The following AK5 variants were observed in gnomAD, a reference collection of about 807,000 sequenced individuals.
The protein encoded by AK5 is adenylate kinase isoenzyme 5.
In AK5, 27 loss-of-function variants were observed where a neutral mutation model predicts 69.5. The ratio of observed to expected loss-of-function variants is 0.39; its 90% confidence interval spans 0.29 to 0.54. The LOEUF (loss-of-function observed/expected upper bound fraction) is 0.54, where lower values mean the gene tolerates loss of function less well. Among genes scored for constraint, AK5 ranks in the 20% least tolerant of loss-of-function variants. The probability of loss-of-function intolerance (pLI) is 0.71; values close to 1 mark genes in which losing one functional copy is unlikely to be tolerated. For missense variants in AK5, 531 were observed against 700.4 expected (o/e 0.76, Z 2.73); for synonymous variants, 260 against 244.4 (o/e 1.06, Z -0.60).
chr1:77,283,481 C>A, intron 1 of AK5: 1 of 985,400 alleles, frequency 1.0e-6, no homozygotes, highest in Non-Finnish European at 1.2e-6. Flanking sequence ...TTTTAAAGCA[C>A]CACTTGAGAA....
chr1:77,525,121 CTTGTG>C (rs1489023574), intron 12 of AK5, among the ~76,000 whole-genome samples: 6 of 152,198 alleles, frequency 3.9e-5, no homozygotes, highest in African/African-American at 1.4e-4. Context: ...GTTGCCCAGG[CTTGTG>C]TTGAACTCCT....
At chr1:77,555,145 G>A (rs573525916) in intron 13 of AK5, among the ~76,000 whole-genome samples, 1 of 152,126 alleles carries the variant, frequency 6.6e-6, no homozygotes, top group East Asian at 1.9e-4. Flanking sequence ...AGGCATGGTG[G>A]CACACACCTA....
intron 8 of AK5, among the ~76,000 whole-genome samples, chr1:77,434,987 A>T (rs2100620148): frequency 6.6e-6 from 1 of 152,328 alleles, no homozygotes; most frequent in South Asian, 2.1e-4. Flanking sequence ...AAAAACCAAG[A>T]TTGCAGAATC....
chr1:77,367,554 T>TATATATATATATATATATATATA lies in AK5; in HGVS notation c.891+26986_891+26987insATATATATATATATATATATATA, dbSNP rs59508312. Among the ~76,000 whole-genome samples, 25 of 28,606 alleles carry TATATATATATATATATATATATA rather than the reference T, an allele frequency of 8.7e-4. 1 individual carries two copies. Among genetic ancestry groups the TATATATATATATATATATATATA allele is most frequent in the Non-Finnish European group, 1.6e-3 (22 of 13,850 alleles). 18.8% of individuals were successfully genotyped at this position (28,606 alleles called of 152,430 possible). On this transcript the variant is annotated intron_variant, in intron 6 of 13. Transcript: ENST00000354567. ...ATGTTGCCCAGACTCATTTATGTTA[T>TATATATATATATATATATATATA]TTTTATATATATATATATATATATA...
chr1:77,306,431 A>G (rs1659638920), intron 5 of AK5, among the ~76,000 whole-genome samples: 1 of 149,404 alleles, frequency 6.7e-6, no homozygotes, highest in African/African-American at 2.5e-5. Flanking sequence ...GATAAATCTC[A>G]CTTGGTTATG....
intron 5 of AK5, among the ~76,000 whole-genome samples, chr1:77,328,570 C>T (rs948554038): frequency 1.3e-5 from 2 of 151,938 alleles, no homozygotes; most frequent in African/African-American, 4.8e-5. Flanking sequence ...CTAATGTACC[C>T]CAATCACTCT....
chr1:77,533,693 A>T (rs1379526585), intron 12 of AK5, among the ~76,000 whole-genome samples: 1 of 151,944 alleles, frequency 6.6e-6, no homozygotes, highest in Admixed American at 6.6e-5. Context: ...CTAAAAGGTC[A>T]TTTGCTGCCG....
intron 6 of AK5, among the ~76,000 whole-genome samples, chr1:77,400,613 G>A (rs1649148328): frequency 6.6e-6 from 1 of 152,076 alleles, no homozygotes; most frequent in Non-Finnish European, 1.5e-5. Context: ...TTCTCTGCTA[G>A]GTTTCTATAG....
intron 8 of AK5, among the ~76,000 whole-genome samples, chr1:77,433,910 A>G (rs1382174861): frequency 6.6e-6 from 1 of 151,472 alleles, no homozygotes; most frequent in Non-Finnish European, 1.5e-5. Context: ...CATAATTTTT[A>G]TTTATTTTAT....
chr1:77,396,231 T>A (rs1648820120), intron 6 of AK5, among the ~76,000 whole-genome samples: 1 of 152,236 alleles, frequency 6.6e-6, no homozygotes, highest in Non-Finnish European at 1.5e-5. Flanking sequence ...TAAGGATTTT[T>A]AAATCTATTT....
intron 10 of AK5, among the ~76,000 whole-genome samples, chr1:77,492,314 G>T (rs1656050767): frequency 6.6e-6 from 1 of 152,168 alleles, no homozygotes; most frequent in South Asian, 2.1e-4. Flanking sequence ...TTTACTGTGA[G>T]TACATGGTAA....
At chr1:77,556,156 G>A (rs993315962) in intron 13 of AK5, among the ~76,000 whole-genome samples, 1 of 152,170 alleles carries the variant, frequency 6.6e-6, no homozygotes, top group Middle Eastern at 3.2e-3. Flanking sequence ...AGAGTTTGAG[G>A]AATAAAATGA....
rs1196448567 is a variant in AK5, at chr1:77,367,584, A to ATATGTTATATATATGTTATATATATGT, written c.891+27028_891+27029insATGTTATATATATGTTATGTTATATAT. On this transcript the variant is annotated intron_variant, in intron 6 of 13. Coordinates refer to ENST00000354567, the MANE Select transcript of AK5 (RefSeq NM_174858.3). ...ATATATATATATATATATATAATAT[A>ATATGTTATATATATGTTATATATATGT]TATGTTATATATGTAATATATATGT... Among the ~76,000 whole-genome samples, 44 of 55,376 alleles carry ATATGTTATATATATGTTATATATATGT rather than the reference A, an allele frequency of 7.9e-4. 3 individuals are homozygous for ATATGTTATATATATGTTATATATATGT. Among genetic ancestry groups the ATATGTTATATATATGTTATATATATGT allele is most frequent in the Non-Finnish European group, 1.3e-3 (40 of 31,000 alleles). The allele number at this position is 55,376 out of a possible 152,430, so 36.3% of individuals were successfully genotyped here.
At chr1:77,382,286 G>T (rs1293033719) in intron 6 of AK5, among the ~76,000 whole-genome samples, 1 of 143,778 alleles carries the variant, frequency 7.0e-6, no homozygotes, top group Non-Finnish European at 1.5e-5. Context: ...ATGCAAAACT[G>T]GAGCAAATGA....
chr1:77,361,495 T>TAA (rs1045356561), intron 6 of AK5, among the ~76,000 whole-genome samples: 2 of 152,196 alleles, frequency 1.3e-5, no homozygotes, highest in Non-Finnish European at 2.9e-5. Flanking sequence ...CTATTAAGAC[T>TAA]AAGTGAAATA....
intron 5 of AK5, among the ~76,000 whole-genome samples, chr1:77,334,031 A>G (rs1332955040): frequency 6.6e-6 from 1 of 152,196 alleles, no homozygotes; most frequent in African/African-American, 2.4e-5. Context: ...CTACATATTT[A>G]CCATTTTCAT....
chr1:77,381,862 G>A (rs1022940375), intron 6 of AK5, among the ~76,000 whole-genome samples: 1 of 152,138 alleles, frequency 6.6e-6, no homozygotes, highest in African/African-American at 2.4e-5. Flanking sequence ...TGACATGGAA[G>A]CAACCCTAAT....
intron 6 of AK5, among the ~76,000 whole-genome samples, chr1:77,359,246 T>A (rs1245146672): frequency 6.7e-6 from 1 of 149,692 alleles, no homozygotes; most frequent in Non-Finnish European, 1.5e-5. Context: ...AGAGCGAGAC[T>A]CTGTCTCAAA....
chr1:77,525,203 C>G (rs1658206238), intron 12 of AK5, among the ~76,000 whole-genome samples: 1 of 152,196 alleles, frequency 6.6e-6, no homozygotes, highest in African/African-American at 2.4e-5. Context: ...GCTACCATGC[C>G]CAGCCTTGAT....
Sources: allele counts gnomAD v4.1 joint callset (sites outside exome capture counted in the v4.1 genomes callset), GRCh38; gene constraint gnomAD v4.1.1; transcripts MANE v1.5; gene names NCBI Gene and HGNC (gene_info 2026-07-23, HGNC 2026-07-21).